The following PHB1 variants were observed in gnomAD, a reference collection of about 807,000 sequenced individuals.
PHB1 encodes the protein epididymis luminal protein 215.
the PHB1 span, chr17:49,412,039 A>G: frequency 3.7e-6 from 2 of 547,436 alleles, no homozygotes; most frequent in East Asian, 5.9e-5. Context: ...ACATGTCCCC[A>G]AGGATTGGTA....
the PHB1 span, chr17:49,413,364 C>T: frequency 0.046 from 36,633 of 797,978 alleles, 3,990 homozygotes; most frequent in African/African-American, 0.28. Flanking sequence ...TGACACACAA[C>T]AGTCACTTTT....
At chr17:49,409,891 T>C in the PHB1 span, among the ~76,000 whole-genome samples, 3 of 152,206 alleles carry the variant, frequency 2.0e-5, no homozygotes, top group East Asian at 1.9e-4. Context: ...TTTTTATTTA[T>C]GTATTTTGAG....
chr17:49,407,759 A>G, the PHB1 span, among the ~76,000 whole-genome samples: 5 of 152,234 alleles, frequency 3.3e-5, no homozygotes, highest in Non-Finnish European at 5.9e-5. Flanking sequence ...TCTCCTGAAG[A>G]GTAAATCCTG....
At chr17:49,404,772 G>C in the PHB1 span, 93 of 572,526 alleles carry the variant, frequency 1.6e-4, no homozygotes, top group Non-Finnish European at 2.5e-4. Flanking sequence ...ATTTTTGGTA[G>C]GGAGGTGGAT....
At chr17:49,408,907 A>G in the PHB1 span, 1 of 666,794 alleles carries the variant, frequency 1.5e-6, no homozygotes, top group Admixed American at 2.5e-5. Context: ...TCACCTCAGC[A>G]TGTTTCCGTG....
the PHB1 span, chr17:49,404,636 G>C: frequency 2.9e-6 from 1 of 346,328 alleles, no homozygotes; most frequent in Non-Finnish European, 5.5e-6. Context: ...GATCTAGGCA[G>C]ACACCTGTGC....
At chr17:49,411,617 CAGA>C in the PHB1 span, 1 of 1,457,670 alleles carries the variant, frequency 6.9e-7, no homozygotes, top group Non-Finnish European at 9.5e-7. Context: ...TCCTGTGACA[CAGA>C]AGAACAGAGC....
chr17:49,404,967 G>C, the PHB1 span: 1 of 1,498,830 alleles, frequency 6.7e-7, no homozygotes, highest in African/African-American at 1.4e-5. Context: ...CAGTCAGCCC[G>C]CGGAGGTGCA....
the PHB1 span, among the ~76,000 whole-genome samples, chr17:49,408,570 G>A: frequency 6.6e-6 from 1 of 152,156 alleles, no homozygotes. Flanking sequence ...CCAACCGTTC[G>A]TTTACACTCT....
chr17:49,411,908 G>GA, the PHB1 span: 2 of 1,432,900 alleles, frequency 1.4e-6, no homozygotes, highest in African/African-American at 1.4e-5. Flanking sequence ...TCATGTCTTT[G>GA]AAAGAGCCCT....
chr17:49,413,019 C>T, the PHB1 span: 1 of 597,078 alleles, frequency 1.7e-6, no homozygotes, highest in Non-Finnish European at 3.0e-6. Flanking sequence ...GCTCTGATAA[C>T]AATGCAGTCC....
At chr17:49,409,190 T>C in the PHB1 span, 1 of 1,584,284 alleles carries the variant, frequency 6.3e-7, no homozygotes, top group East Asian at 2.2e-5. Context: ...GAAGGGCAGG[T>C]CAGGTTAATG....
At chr17:49,409,447 G>A in the PHB1 span, 14 of 1,613,708 alleles carry the variant, frequency 8.7e-6, no homozygotes, top group East Asian at 2.2e-5. Flanking sequence ...AAGAGGATGC[G>A]CAGTGTGATG....
the PHB1 span, chr17:49,411,745 T>G: frequency 1.9e-6 from 3 of 1,614,088 alleles, no homozygotes; most frequent in South Asian, 3.3e-5. Flanking sequence ...TTGGTTTCTG[T>G]ACCCACGGGA....
chr17:49,414,501 C>G, the PHB1 span, among the ~76,000 whole-genome samples: 17 of 152,086 alleles, frequency 1.1e-4, no homozygotes, highest in Non-Finnish European at 2.4e-4. Flanking sequence ...CGTCGTTGCC[C>G]GCTCCAGTCT....
the PHB1 span, among the ~76,000 whole-genome samples, chr17:49,410,925 A>G: frequency 7.9e-5 from 12 of 152,358 alleles, no homozygotes. Flanking sequence ...GGATCCAGGG[A>G]GAGAATTATA....
the PHB1 span, chr17:49,411,586 A>C: frequency 8.8e-7 from 1 of 1,134,730 alleles, no homozygotes; most frequent in Admixed American, 1.9e-5. Context: ...ACTCTTTTGG[A>C]TCCTGGTATC....
chr17:49,405,066 A>G, the PHB1 span: 1 of 1,600,728 alleles, frequency 6.2e-7, no homozygotes, highest in Non-Finnish European at 8.5e-7. Flanking sequence ...GAGAGCTGGT[A>G]CGCGATGTCC....
At chr17:49,406,234 G>T in the PHB1 span, among the ~76,000 whole-genome samples, 1 of 152,070 alleles carries the variant, frequency 6.6e-6, no homozygotes, top group Admixed American at 6.6e-5. Flanking sequence ...CACCAATTAG[G>T]GATACTGGTG....
Sources: gnomAD v4.1 joint callset for allele counts (sites outside exome capture counted in the v4.1 genomes callset) on GRCh38, gnomAD v4.1.1 for gene constraint, MANE v1.5 for transcripts, NCBI Gene and HGNC (gene_info 2026-07-23, HGNC 2026-07-21) for gene names.